The following MUC5AC variants were observed in gnomAD, a reference collection of about 807,000 sequenced individuals.
MUC5AC encodes the protein mucin 5AC, oligomeric mucus/gel-forming, also known as mucin-5AC.
A neutral mutation model predicts 169.7 loss-of-function variants in MUC5AC; 158 were observed. That is an observed-to-expected ratio of 0.93 (90% CI 0.82 to 1.06). The LOEUF (loss-of-function observed/expected upper bound fraction) is 1.06. Ranked by LOEUF, MUC5AC falls within the 50% of genes least tolerant of loss-of-function variation. The probability of loss-of-function intolerance (pLI) is 0.00; values close to 1 mark genes in which losing one functional copy is unlikely to be tolerated. For synonymous variants in MUC5AC, 1,975 were observed against 1,237.0 expected, an observed-to-expected ratio of 1.60 and a Z score of -12.52; for missense variants, 4,359 against 3,089.9, an observed-to-expected ratio of 1.41 and a Z score of -9.74.
Position 1,174,635 on chromosome 11 carries a change from C to A in MUC5AC, c.2092+13C>A. 1 of 1,027,290 alleles carries A rather than the reference C, an allele frequency of 9.7e-7. No homozygotes were observed. The highest frequency in any genetic ancestry group is 1.4e-6 in the Non-Finnish European group (1 of 698,132). The allele number at this position is 1,027,290 out of a possible 1,614,324, so 63.6% of individuals were successfully genotyped here. ...GACGGCGTCTGCAGTGAGTGCCTGC[C>A]AAGCCCAGCCCCTTTCCCTCGCTGG... On this transcript the variant is annotated intron_variant, in intron 17 of 48. Transcript: ENST00000621226.
Position 1,194,310 on chromosome 11 carries a change from G to C in MUC5AC, c.14956G>C (p.Asp4986His), listed in dbSNP as rs1046419226. The change falls in exon 34 of 49, where the codon GAC becomes CAC. Residue 4986 changes from aspartate to histidine, a missense_variant. By Grantham distance (81) the Asp-to-His change is moderately conservative. Transcript: ENST00000621226. ...GTCCATCATCCTGGAGTACCACCAG[G>C]ACCGCGTGGTGCTGACCCGCAAGCC... The part of the protein sequence containing the change: ...PRSIILEYHQ[D>H]RVVLTRKPVH... 2 of 744,882 alleles carry C rather than the reference G, an allele frequency of 2.7e-6. No homozygotes were observed. The highest frequency in any genetic ancestry group is 2.8e-5 in the South Asian group (2 of 71,642). The allele number at this position is 744,882 out of a possible 1,614,324, so 46.1% of individuals were successfully genotyped here. A position where few individuals can be genotyped will look rare whatever the true frequency, so the allele number is the denominator to read the frequency against.
chr11:1,189,250 C>G lies in MUC5AC; in HGVS notation c.11105C>G (p.Thr3702Arg). 1 of 593,574 alleles carries G rather than the reference C, an allele frequency of 1.7e-6. No individual in the cohort carries two copies. The allele number at this position is 593,574 out of a possible 1,614,324, so 36.8% of individuals were successfully genotyped here. Residue 3702 changes from threonine to arginine, a missense_variant, in exon 31 of 49, where the codon ACG becomes AGG. Physicochemically the swap from Thr to Arg is moderately conservative, Grantham distance 71 (BLOSUM62 -1). Transcript: ENST00000621226. ...ACCAGCACAACCTCTGCTCCCACAA[C>G]GAGCACAACTTCTGCCCCTACAACC... The part of the protein sequence containing the change: ...PTTSTTSAPT[T>R]STTSAPTTST...
At chr11:1,172,569 C>T (rs1046244702) in intron 16 of MUC5AC, 46 bp downstream of exon 16, 6 of 398,496 alleles carry the variant, frequency 1.5e-5, no homozygotes, top group Non-Finnish European at 2.7e-5. Context: ...AGCCACTGAG[C>T]CTCACGGCTG....
At position 1,182,778 on chromosome 11, in the gene MUC5AC, G is replaced by C; in HGVS notation, c.4633G>C (p.Val1545Leu). Residue 1545 changes from valine to leucine, a missense_variant, in exon 31 of 49, where the codon GTG becomes CTG. By Grantham distance (32) the Val-to-Leu change is conservative. Coordinates refer to ENST00000621226, the MANE Select transcript of MUC5AC (RefSeq NM_001304359.2). ...KTFSTPSPPP[V>L]PATSTSSMST... ...TTTCTCAACTCCCAGCCCTCCGCCA[G>C]TGCCGGCAACATCAACATCATCCAT... The C allele has an allele frequency of 2.5e-6, 1 of 398,260 alleles. No individual in the cohort carries two copies. The highest frequency in any genetic ancestry group is 3.6e-5 in the East Asian group (1 of 27,988). The allele number at this position is 398,260 out of a possible 1,614,324, so 24.7% of individuals were successfully genotyped here.
At chr11:1,171,533 C>CCCCT (rs1860536411) in intron 15 of MUC5AC, among the ~76,000 whole-genome samples, 1 of 83,358 alleles carries the variant, frequency 1.2e-5, no homozygotes, top group African/African-American at 4.7e-5. Flanking sequence ...ACCCACTCAC[C>CCCCT]CACTCACTCA....
At chr11:1,173,990 C>A (rs1056065780) in intron 16 of MUC5AC, among the ~76,000 whole-genome samples, 8 of 152,104 alleles carry the variant, frequency 5.3e-5, no homozygotes, top group African/African-American at 1.4e-4. Context: ...AATTCCTTCA[C>A]CTACTCATTC....
At chr11:1,163,476 G>A (rs1411167731) in intron 6 of MUC5AC, among the ~76,000 whole-genome samples, 1 of 152,220 alleles carries the variant, frequency 6.6e-6, no homozygotes. Flanking sequence ...CCTCTGTGGG[G>A]AACTGAGTCT....
At position 1,197,894 on chromosome 11, in the gene MUC5AC, C is replaced by T. The variant is rs1428022316; in HGVS notation, c.16034-9C>T. 1.3e-5 allele frequency: 9 copies of T among 711,180 alleles called. No homozygotes were observed. In the East Asian group the frequency reaches 2.1e-4, roughly 17 times the overall value. The allele number at this position is 711,180 out of a possible 1,614,324, so 44.1% of individuals were successfully genotyped here. On this transcript the variant is annotated splice_polypyrimidine_tract_variant and intron_variant, in intron 41 of 48. Coordinates refer to ENST00000621226, the MANE Select transcript of MUC5AC (RefSeq NM_001304359.2). ...CAGACTCCTAATTGCCTCACTCCCGCCCCCGCAGCCTGCAACACCAGCCGC... is the reference window on the plus strand; with the variant it reads ...CAGACTCCTAATTGCCTCACTCCCGTCCCCGCAGCCTGCAACACCAGCCGC...
chr11:1,165,812 G>A, intron 11 of MUC5AC, 52 bp downstream of exon 11: 2 of 1,604,240 alleles, frequency 1.2e-6, no homozygotes, highest in African/African-American at 1.3e-5. Context: ...CCCATGGCCA[G>A]CCTCCCACAG....
In MUC5AC at chr11:1,188,442, G is replaced by GCCCCTACAACCAGCACAACCTCTC. The variant is rs1861006654; in HGVS notation, c.10320_10321insCCCCCTACAACCAGCACAACCTCT (p.Ser3440_Ser3441insProProThrThrSerThrThrSer). 9.5e-6 allele frequency: 6 copies of GCCCCTACAACCAGCACAACCTCTC among 634,716 alleles called. No individual in the cohort carries two copies. The highest frequency in any genetic ancestry group is 1.8e-5 in the Non-Finnish European group (6 of 342,430). 39.3% of individuals were successfully genotyped at this position (634,716 alleles called of 1,614,324 possible). A position where few individuals can be genotyped will look rare whatever the true frequency, so the allele number is the denominator to read the frequency against. ...TGCTCGTACAACCAGCATAATCTCT[G>GCCCCTACAACCAGCACAACCTCTC]CCCCTACAACCAGCACAACCTCTTC... On this transcript the variant is annotated inframe_insertion, in exon 31 of 49. Coordinates refer to ENST00000621226, the MANE Select transcript of MUC5AC (RefSeq NM_001304359.2).
Position 1,190,976 on chromosome 11 carries a change from T to G in MUC5AC, c.12831T>G (p.Pro4277=). 1 of 743,920 alleles carries G rather than the reference T, an allele frequency of 1.3e-6. No individual in the cohort carries two copies. Among genetic ancestry groups the G allele is most frequent in the Non-Finnish European group, 2.4e-6 (1 of 408,722 alleles). 46.1% of individuals were successfully genotyped at this position (743,920 alleles called of 1,614,324 possible). The change falls in exon 31 of 49, where the codon CCT becomes CCG. Residue 4277 remains proline (P), a synonymous_variant. Transcript: ENST00000621226. ...SAATTSTTSA[P]TTRTTSAPTS... ...CTACAACCAGCACAACCTCTGCTCCTACAACCAGAACAACATCTGCTCCTA... is the reference window on the plus strand; with the variant it reads ...CTACAACCAGCACAACCTCTGCTCCGACAACCAGAACAACATCTGCTCCTA...
chr11:1,169,993 T>C (rs1344051936), intron 15 of MUC5AC, among the ~76,000 whole-genome samples: 52 of 78,362 alleles, frequency 6.6e-4, no homozygotes, highest in Middle Eastern at 0.011. Flanking sequence ...CACTCACCCA[T>C]TCACCCATTC....
chr11:1,166,940 TC>T (rs71464133), intron 11 of MUC5AC, among the ~76,000 whole-genome samples: 1 of 3,870 alleles, frequency 2.6e-4, no homozygotes, highest in Admixed American at 1.4e-3. Context: ...ACACACAGTC[TC>T]CCCAAGATGA....
At position 1,167,866 on chromosome 11, in the gene MUC5AC, G is replaced by A. The variant is rs28653550; in HGVS notation, c.1387-11G>A. 365,858 of 1,548,738 alleles carry A rather than the reference G, an allele frequency of 0.24. 49,388 individuals are homozygous for A. The highest frequency in any genetic ancestry group is 0.56 in the African/African-American group (40,837 of 73,086). The stretch of plus-strand genomic sequence containing the variant: ...GGAGTGTGAGGACCCCTGGTGTGTC[G>A]TGTTCCGCAGCCCTGTGACAGCAGT... On this transcript the variant is annotated splice_polypyrimidine_tract_variant and intron_variant, in intron 11 of 48. Transcript: ENST00000621226.
In MUC5AC at chr11:1,196,144, AG is replaced by A. The variant is rs539530447; in HGVS notation, c.15637+97del. 7.5e-4 allele frequency: 479 copies of A among 638,974 alleles called. 6 individuals carry two copies. The East Asian group carries it at 0.012, about 16-fold the overall frequency. 39.6% of individuals were successfully genotyped at this position (638,974 alleles called of 1,614,324 possible). Reference sequence around the variant, plus strand: ...ACCAACAGGGTGGGCTCGGGCAGTCAGGGGGGGACCTGGAGGAGGAGGGGGC... The same window carrying A: ...ACCAACAGGGTGGGCTCGGGCAGTCAGGGGGGACCTGGAGGAGGAGGGGGC... On this transcript the variant is annotated intron_variant, in intron 37 of 48. Coordinates refer to ENST00000621226, the MANE Select transcript of MUC5AC (RefSeq NM_001304359.2).
Position 1,189,216 on chromosome 11 carries a change from G to C in MUC5AC, c.11071G>C (p.Ala3691Pro). Residue 3691 changes from alanine (A) to proline (P), a missense_variant, in exon 31 of 49, where the codon GCC becomes CCC. Transcript: ENST00000621226. ...TPASIPSTTS[A>P]PTTSTTSAPT... ...TGCTTCTATACCCAGCACAACCTCT[G>C]CCCCAACAACCAGCACAACCTCTGC... 1 of 590,126 alleles carries C rather than the reference G, an allele frequency of 1.7e-6. No homozygotes were observed. Among genetic ancestry groups the C allele is most frequent in the East Asian group, 2.8e-5 (1 of 35,990 alleles). The allele number at this position is 590,126 out of a possible 1,614,324, so 36.6% of individuals were successfully genotyped here.
At chr11:1,159,896 G>T (rs1860086356) in intron 1 of MUC5AC, among the ~76,000 whole-genome samples, 1 of 137,656 alleles carries the variant, frequency 7.3e-6, no homozygotes, top group Non-Finnish European at 1.6e-5. Flanking sequence ...GGCTGGGGCT[G>T]GTCCCACCAT....
chr11:1,166,908 G>C (rs1478900479), intron 11 of MUC5AC, among the ~76,000 whole-genome samples: 200 of 3,056 alleles, frequency 0.065, 7 homozygotes, highest in East Asian at 0.3. Flanking sequence ...CACAGTCTCT[G>C]CACGATGAGA....
chr11:1,188,507 A>C lies in MUC5AC; in HGVS notation c.10362A>C (p.Thr3454=). 1.4e-6 allele frequency: 1 copy of C among 721,068 alleles called. No individual in the cohort carries two copies. The highest frequency in any genetic ancestry group is 2.5e-6 in the Non-Finnish European group (1 of 394,362). The allele number at this position is 721,068 out of a possible 1,614,324, so 44.7% of individuals were successfully genotyped here. A position where few individuals can be genotyped will look rare whatever the true frequency, so the allele number is the denominator to read the frequency against. Residue 3454 remains threonine, a synonymous_variant, in exon 31 of 49, where the codon ACA becomes ACC. Transcript: ENST00000621226. ...CAACCTCTGCTACTACAACCAGCAC[A>C]ACCTCTGCCCCTACAAGCAGCACAA... The part of the protein sequence containing the change: ...TSTTSATTTS[T]TSAPTSSTTS...
Sources: gnomAD v4.1 joint callset for allele counts (sites outside exome capture counted in the v4.1 genomes callset) on GRCh38, gnomAD v4.1.1 for gene constraint, MANE v1.5 for transcripts, NCBI Gene and HGNC (gene_info 2026-07-23, HGNC 2026-07-21) for gene names.